The following IGF2BP3 variants were observed in gnomAD, a reference collection of about 807,000 sequenced individuals.
The protein encoded by IGF2BP3 is insulin like growth factor 2 mRNA binding protein 3.
In IGF2BP3, 9 loss-of-function variants were observed where a neutral mutation model predicts 73.8. That is an observed-to-expected ratio of 0.12 (90% confidence interval 0.07 to 0.21). The LOEUF is 0.21. Ranked by LOEUF, IGF2BP3 falls within the 10% of genes least tolerant of loss-of-function variation. The probability of loss-of-function intolerance (pLI) is 1.00; values close to 1 mark genes in which losing one functional copy is unlikely to be tolerated. For synonymous variants in IGF2BP3, 258 were observed against 256.7 expected, an observed-to-expected ratio of 1.01 and a Z score of -0.05; for missense variants, 542 against 714.0, an observed-to-expected ratio of 0.76 and a Z score of 2.75.
intron 2 of IGF2BP3, among the ~76,000 whole-genome samples, chr7:23,428,955 G>T (rs565712280): frequency 5.3e-5 from 8 of 152,182 alleles, no homozygotes; most frequent in African/African-American, 1.9e-4. Context: ...CTTTTGATGT[G>T]ACTCCAATAA....
At chr7:23,389,322 G>A (rs565765912) in intron 3 of IGF2BP3, among the ~76,000 whole-genome samples, 6 of 151,918 alleles carry the variant, frequency 3.9e-5, no homozygotes, top group Admixed American at 1.3e-4. Context: ...CACTACACCC[G>A]CCTAATTTTT....
intron 3 of IGF2BP3, among the ~76,000 whole-genome samples, chr7:23,364,485 T>A (rs947628668): frequency 4.0e-4 from 56 of 139,996 alleles, no homozygotes; most frequent in Admixed American, 3.5e-3. Flanking sequence ...GAGGTGGAGA[T>A]TGCAGTGAGC....
intron 5 of IGF2BP3, among the ~76,000 whole-genome samples, chr7:23,355,076 G>C (rs540223045): frequency 3.3e-4 from 50 of 151,996 alleles, no homozygotes; most frequent in Non-Finnish European, 6.6e-4. Flanking sequence ...AAAAATTTTA[G>C]TATTTTCACC....
intron 3 of IGF2BP3, among the ~76,000 whole-genome samples, chr7:23,388,493 G>A (rs948461598): frequency 3.9e-5 from 6 of 152,008 alleles, no homozygotes; most frequent in African/African-American, 1.4e-4. Flanking sequence ...TCAATTAACC[G>A]AGGAAAAAGG....
chr7:23,439,274 C>T (rs966082375), intron 2 of IGF2BP3, among the ~76,000 whole-genome samples: 11 of 151,906 alleles, frequency 7.2e-5, no homozygotes, highest in Admixed American at 4.6e-4. Flanking sequence ...CATGTTTGGC[C>T]GGGCACGGTG....
At chr7:23,371,893 G>C (rs1046657011) in intron 3 of IGF2BP3, among the ~76,000 whole-genome samples, 6 of 152,178 alleles carry the variant, frequency 3.9e-5, no homozygotes, top group African/African-American at 1.4e-4. Context: ...CTCTCTGAGA[G>C]AGAACAGTCC....
At chr7:23,399,571 C>T (rs764968128) in intron 3 of IGF2BP3, among the ~76,000 whole-genome samples, 15 of 152,056 alleles carry the variant, frequency 9.9e-5, no homozygotes, top group Non-Finnish European at 1.5e-4. Flanking sequence ...ATTTCAGACT[C>T]CTGGCTTCTA....
intron 3 of IGF2BP3, among the ~76,000 whole-genome samples, chr7:23,404,121 G>T (rs1489191213): frequency 6.6e-6 from 1 of 151,078 alleles, no homozygotes; most frequent in African/African-American, 2.4e-5. Flanking sequence ...CAGCCTGGGT[G>T]ACAGAGTCTT....
At chr7:23,428,539 AT>A (rs1787583675) in intron 2 of IGF2BP3, among the ~76,000 whole-genome samples, 1 of 148,616 alleles carries the variant, frequency 6.7e-6, no homozygotes. Context: ...ATATATATAT[AT>A]AATATATATT....
intron 3 of IGF2BP3, among the ~76,000 whole-genome samples, chr7:23,371,121 T>G (rs1325752484): frequency 1.3e-5 from 2 of 151,844 alleles, no homozygotes; most frequent in African/African-American, 4.8e-5. Flanking sequence ...AGCGGGATAT[T>G]TAATGCTTAC....
chr7:23,405,754 C>T (rs1276331764), intron 3 of IGF2BP3, among the ~76,000 whole-genome samples: 2 of 152,144 alleles, frequency 1.3e-5, no homozygotes, highest in Non-Finnish European at 2.9e-5. Flanking sequence ...AAACCACTCC[C>T]CTTCCCCAAC....
At chr7:23,347,253 G>A (rs910726622) in intron 7 of IGF2BP3, among the ~76,000 whole-genome samples, 1 of 152,106 alleles carries the variant, frequency 6.6e-6, no homozygotes, top group African/African-American at 2.4e-5. Flanking sequence ...CAGTGGACAA[G>A]AACAGAGCTC....
At chr7:23,429,292 A>T (rs967320240) in intron 2 of IGF2BP3, among the ~76,000 whole-genome samples, 7 of 152,364 alleles carry the variant, frequency 4.6e-5, no homozygotes, top group Non-Finnish European at 7.3e-5. Context: ...CTGACAAAAG[A>T]TAGAAATAAG....
intron 2 of IGF2BP3, among the ~76,000 whole-genome samples, chr7:23,429,968 C>G (rs1016077328): frequency 2.0e-5 from 3 of 152,200 alleles, no homozygotes; most frequent in Non-Finnish European, 4.4e-5. Flanking sequence ...ACATACAAAT[C>G]AAGTGGGAAT....
At chr7:23,443,483 T>C (rs1020879118) in intron 2 of IGF2BP3, among the ~76,000 whole-genome samples, 18 of 151,912 alleles carry the variant, frequency 1.2e-4, no homozygotes, top group Non-Finnish European at 1.9e-4. Context: ...CTGGCCAACA[T>C]TGGGAAACCC....
intron 5 of IGF2BP3, among the ~76,000 whole-genome samples, chr7:23,359,694 CA>C (rs912037213): frequency 1.3e-5 from 2 of 149,618 alleles, no homozygotes; most frequent in Non-Finnish European, 3.0e-5. Flanking sequence ...AAAAAAAATA[CA>C]AAAAAAAAGA....
chr7:23,312,261 T>C lies in IGF2BP3; in HGVS notation c.*101A>G. Reference sequence around the variant, plus strand: ...AGAAACAACTGGCTAGGTAAAAACTTGTGCATGTGATTCTGGATAGGGGGT... The same window carrying C: ...AGAAACAACTGGCTAGGTAAAAACTCGTGCATGTGATTCTGGATAGGGGGT... On this transcript the variant is annotated 3_prime_UTR_variant, in exon 15 of 15. Transcript: ENST00000258729. The C allele has an allele frequency of 2.3e-6, 2 of 857,564 alleles. No homozygotes were observed. Among genetic ancestry groups the C allele is most frequent in the Non-Finnish European group, 3.9e-6 (2 of 516,102 alleles). 53.1% of individuals were successfully genotyped at this position (857,564 alleles called of 1,614,324 possible). A position where few individuals can be genotyped will look rare whatever the true frequency, so the allele number is the denominator to read the frequency against.
At chr7:23,345,885 C>A in intron 8 of IGF2BP3, 55 bp downstream of exon 8, 1 of 1,585,320 alleles carries the variant, frequency 6.3e-7, no homozygotes, top group South Asian at 1.1e-5. Flanking sequence ...CAATACACAA[C>A]ATGCAGCTTA....
At chr7:23,341,649 G>A (rs371630240) in intron 10 of IGF2BP3, among the ~76,000 whole-genome samples, 55 of 152,152 alleles carry the variant, frequency 3.6e-4, no homozygotes, top group Non-Finnish European at 1.6e-4. Context: ...CAGCCTGGGC[G>A]AAAGAGTGGG....
Sources: gnomAD v4.1 joint callset for allele counts (sites outside exome capture counted in the v4.1 genomes callset) on GRCh38, gnomAD v4.1.1 for gene constraint, MANE v1.5 for transcripts, NCBI Gene and HGNC (gene_info 2026-07-23, HGNC 2026-07-21) for gene names.